The following LRRC7 variants were observed in gnomAD, a reference collection of about 807,000 sequenced individuals.
LRRC7 encodes leucine rich repeat containing 7, also known as leucine-rich repeat-containing protein 7.
LRRC7 carries 23 observed loss-of-function variants against 175.7 expected under a neutral mutation model. The ratio of observed to expected loss-of-function variants is 0.13; its 90% CI spans 0.09 to 0.19. LRRC7 has a LOEUF of 0.19. Among genes scored for constraint, LRRC7 ranks in the 10% least tolerant of loss-of-function variants. LRRC7 has a pLI of 1.00. For synonymous variants in LRRC7, 685 were observed against 680.9 expected, an observed-to-expected ratio of 1.01 and a Z score of -0.09; for missense variants, 1,354 against 1,904.7, an observed-to-expected ratio of 0.71 and a Z score of 5.38.
intron 16 of LRRC7, among the ~76,000 whole-genome samples, chr1:70,022,755 T>C (rs1172687658): frequency 6.6e-6 from 1 of 152,208 alleles, no homozygotes; most frequent in African/African-American, 2.4e-5. Flanking sequence ...ATTGTAATCT[T>C]ACACTAAATC....
At chr1:69,740,857 T>C (rs1668633445) in intron 2 of LRRC7, among the ~76,000 whole-genome samples, 1 of 152,010 alleles carries the variant, frequency 6.6e-6, no homozygotes, top group Admixed American at 6.6e-5. Context: ...GGAGTTAGGC[T>C]TCAACATATG....
At chr1:69,676,743 A>G (rs1659820891) in intron 1 of LRRC7, among the ~76,000 whole-genome samples, 1 of 152,116 alleles carries the variant, frequency 6.6e-6, no homozygotes, top group Non-Finnish European at 1.5e-5. Flanking sequence ...ATGGAATTAA[A>G]TCAGCAATTC....
intron 1 of LRRC7, among the ~76,000 whole-genome samples, chr1:69,675,132 C>T (rs1181797591): frequency 6.6e-6 from 1 of 152,122 alleles, no homozygotes; most frequent in African/African-American, 2.4e-5. Context: ...AGCTGAGGAA[C>T]ATTACATTTA....
chr1:69,718,109 A>AAAAG (rs1289507929), intron 2 of LRRC7, among the ~76,000 whole-genome samples: 8 of 23,774 alleles, frequency 3.4e-4, no homozygotes, highest in African/African-American at 9.7e-4. Context: ...GAAAGAGAGA[A>AAAAG]AAAGAAAGAA....
At chr1:70,023,410 T>G (rs1228544081) in intron 17 of LRRC7, 36 bp downstream of exon 17, 4 of 1,510,464 alleles carry the variant, frequency 2.6e-6, no homozygotes, top group Non-Finnish European at 3.6e-6. Flanking sequence ...GAATCTCCCA[T>G]GTAGAGGCAA....
At chr1:69,836,154 G>C (rs188038676) in intron 6 of LRRC7, among the ~76,000 whole-genome samples, 1 of 152,138 alleles carries the variant, frequency 6.6e-6, no homozygotes, top group East Asian at 1.9e-4. Flanking sequence ...GAACTCAGTT[G>C]AATAATGAAG....
intron 1 of LRRC7, among the ~76,000 whole-genome samples, chr1:69,586,913 A>G (rs796582847): frequency 3.6e-4 from 55 of 152,322 alleles, no homozygotes; most frequent in African/African-American, 1.3e-3. Flanking sequence ...GGAACAATAT[A>G]GAATTCAAGT....
rs67002189 is a variant in LRRC7, at chr1:69,640,639, A to AT, written c.3-37733dup. 5.0e-4 allele frequency among the ~76,000 whole-genome samples: 74 copies of AT among 148,586 alleles called. 1 individual carries two copies. The South Asian group carries it at 9.6e-3, about 19-fold the overall frequency. On this transcript the variant is annotated intron_variant, in intron 1 of 26. Transcript: ENST00000651989. Reference sequence around the variant, plus strand: ...AGGAGGACTGAATTTCTCTTTTGTCATTTTTTTTTAATTCTAACTTTGGTA... The same window carrying AT: ...AGGAGGACTGAATTTCTCTTTTGTCATTTTTTTTTTAATTCTAACTTTGGTA...
chr1:69,650,871 C>T (rs1655737530), intron 1 of LRRC7, among the ~76,000 whole-genome samples: 1 of 152,162 alleles, frequency 6.6e-6, no homozygotes, highest in African/African-American at 2.4e-5. Context: ...CGATAGCTTA[C>T]CTAATTTACT....
intron 18 of LRRC7, among the ~76,000 whole-genome samples, chr1:70,035,756 G>A (rs1318310023): frequency 6.6e-6 from 1 of 151,694 alleles, no homozygotes; most frequent in Non-Finnish European, 1.5e-5. Flanking sequence ...GCTCATATAT[G>A]GCTTATCATA....
At chr1:70,012,043 A>T (rs1656560962) in intron 12 of LRRC7, 117 bp downstream of exon 12, 2 of 583,314 alleles carry the variant, frequency 3.4e-6, no homozygotes, top group Non-Finnish European at 5.7e-6. Context: ...TATATATAGG[A>T]ATTATCTACA....
intron 4 of LRRC7, among the ~76,000 whole-genome samples, chr1:69,823,207 C>T (rs953711740): frequency 2.0e-5 from 3 of 152,086 alleles, no homozygotes; most frequent in African/African-American, 7.2e-5. Flanking sequence ...CTGAAATATT[C>T]TTGAATTGTT....
chr1:69,969,364 A>G (rs1258773869), intron 8 of LRRC7, among the ~76,000 whole-genome samples: 1 of 152,138 alleles, frequency 6.6e-6, no homozygotes, highest in Non-Finnish European at 1.5e-5. Context: ...TCACCAACCA[A>G]CTATGTGCTG....
intron 23 of LRRC7, among the ~76,000 whole-genome samples, chr1:70,071,677 AT>A (rs2102116779): frequency 6.6e-6 from 1 of 152,234 alleles, no homozygotes; most frequent in African/African-American, 2.4e-5. Flanking sequence ...ACTCTTTTGG[AT>A]TTAATTTTAG....
Position 69,874,377 on chromosome 1 carries a change from A to G in LRRC7, c.647+36094A>G, listed in dbSNP as rs896377890. The G allele has an allele frequency of 3.9e-5, 6 of 152,248 alleles. No homozygotes were observed. The South Asian group carries it at 1.2e-3, about 32-fold the overall frequency. The allele number at this position is 152,248 out of a possible 1,614,324, so 9.4% of individuals were successfully genotyped here. A position where few individuals can be genotyped will look rare whatever the true frequency, so the allele number is the denominator to read the frequency against. On this transcript the variant is annotated intron_variant, in intron 7 of 26. Coordinates refer to ENST00000651989, the MANE Select transcript of LRRC7 (RefSeq NM_001370785.2). ...CATATTGAAATTTTGAAAAGCTTGA[A>G]ATTCAACATACAAGGTCACCATCTT...
intron 25 of LRRC7, among the ~76,000 whole-genome samples, chr1:70,102,321 T>C (rs1245962564): frequency 6.6e-6 from 1 of 152,146 alleles, no homozygotes; most frequent in African/African-American, 2.4e-5. Context: ...CCCCTTCTCA[T>C]CCCCTTCCCT....
chr1:70,093,711 A>G (rs759212028), intron 25 of LRRC7, among the ~76,000 whole-genome samples: 5 of 152,186 alleles, frequency 3.3e-5, no homozygotes, highest in Non-Finnish European at 7.4e-5. Flanking sequence ...CATACTGTAC[A>G]GAGAAGATTG....
At chr1:70,023,058 T>C in intron 16 of LRRC7, 68 bp from the exon 17 acceptor site, 1 of 1,369,030 alleles carries the variant, frequency 7.3e-7, no homozygotes, top group South Asian at 2.3e-5. Context: ...AGTAGAAAAA[T>C]GATAAAGTGA....
At chr1:69,964,839 C>G (rs1206582922) in intron 8 of LRRC7, among the ~76,000 whole-genome samples, 4 of 152,180 alleles carry the variant, frequency 2.6e-5, no homozygotes, top group African/African-American at 7.2e-5. Context: ...CTACATAGTC[C>G]ATTCTTCAGT....
Sources: allele counts gnomAD v4.1 joint callset (sites outside exome capture counted in the v4.1 genomes callset), GRCh38; gene constraint gnomAD v4.1.1; transcripts MANE v1.5; gene names NCBI Gene and HGNC (gene_info 2026-07-23, HGNC 2026-07-21).